AGRN: variants seen among roughly 807,000 people sequenced by gnomAD.
AGRN encodes the protein agrin.
Under a neutral mutation model 211.0 loss-of-function variants are expected in AGRN, and 106 were observed. The ratio of observed to expected loss-of-function variants is 0.50; its 90% CI spans 0.43 to 0.59. The LOEUF (loss-of-function observed/expected upper bound fraction) is 0.59. Ranked by LOEUF, AGRN falls within the 20% of genes least tolerant of loss-of-function variation. AGRN has a pLI of 0.00. For missense variants in AGRN, 3,040 were observed against 2,982.6 expected (o/e 1.02, Z -0.45); for synonymous variants, 1,525 against 1,332.5 (o/e 1.14, Z -3.15).
Position 1,020,239 on chromosome 1 carries a change from G to T in AGRN, c.67G>T (p.Val23Phe). 6.9e-7 allele frequency: 1 copy of T among 1,445,888 alleles called. No individual in the cohort carries two copies. 89.6% of individuals were successfully genotyped at this position (1,445,888 alleles called of 1,614,324 possible). A position where few individuals can be genotyped will look rare whatever the true frequency, so the allele number is the denominator to read the frequency against. ...GCCGCTCCTTGTGGTGGCCGCGTGC[G>T]TCCTGCCCGGAGCCGGCGGGACATG... ...LLPLLVVAAC[V>F]LPGAGGTCPE... is the part of the protein sequence containing the mutation. The change falls in exon 1 of 36, where the codon GTC becomes TTC. Residue 23 changes from valine (V) to phenylalanine (F), a missense_variant. By Grantham distance (50) the Val-to-Phe change is conservative (BLOSUM62 -1). Transcript: ENST00000379370.
rs1553177633 is a variant in AGRN at position 1,049,316 on chromosome 1, C to A, written c.4379C>A (p.Ser1460Tyr). The A allele has an allele frequency of 6.3e-7, 1 of 1,597,570 alleles. No homozygotes were observed. The highest frequency in any genetic ancestry group is 8.5e-7 in the Non-Finnish European group (1 of 1,179,176). Residue 1460 changes from serine (S) to tyrosine (Y), a missense_variant, in exon 25 of 36, where the codon TCC becomes TAC. Transcript: ENST00000379370. ...EPGQWHRLEL[S>Y]RHWRRGTLSV... ...GGCCAGTGGCACCGCCTGGAGCTGT[C>A]CCGGCACTGGCGCCGGGGCACCCTC... is the stretch of plus-strand genomic sequence containing the variant.
At position 1,032,039 on chromosome 1, in the gene AGRN, G is replaced by A. The variant is rs950942071; in HGVS notation, c.464-3238G>A. 8.5e-5 allele frequency among the ~76,000 whole-genome samples: 13 copies of A among 152,336 alleles called. No homozygotes were observed. The highest frequency in any genetic ancestry group is 8.3e-4 in the South Asian group (4 of 4,828). ...GCCCGGGGCACCCACAGTCAGCACC[G>A]CCGGAACACTGTCAGCCTGGTGTGG... is the stretch of plus-strand genomic sequence containing the variant. On this transcript the variant is annotated intron_variant, in intron 2 of 35. Coordinates refer to ENST00000379370, the MANE Select transcript of AGRN (RefSeq NM_198576.4). This position sits in a 1 kb window ranked among gnomAD's most constrained non-coding sequence, Gnocchi z 4.7.
rs1557720410 is a variant in AGRN at position 1,050,713 on chromosome 1, C to T, written c.5142-13C>T. 3.7e-6 allele frequency: 6 copies of T among 1,600,368 alleles called. No individual in the cohort carries two copies. Among genetic ancestry groups the T allele is most frequent in the East Asian group, 2.2e-5 (1 of 44,464 alleles). ...GGTGGACAGAGCCCACTCACGCTGCCCCTCCTCACCAGGAGCAGGGAGCCA... is the reference window on the plus strand; with the variant it reads ...GGTGGACAGAGCCCACTCACGCTGCTCCTCCTCACCAGGAGCAGGGAGCCA... On this transcript the variant is annotated splice_polypyrimidine_tract_variant and intron_variant, in intron 29 of 35. Transcript: ENST00000379370.
chr1:1,029,793 GTA>G lies in AGRN; in HGVS notation c.464-5482_464-5481del, dbSNP rs202197880. Among the ~76,000 whole-genome samples the G allele has an allele frequency of 1.4e-4, 14 of 99,978 alleles. 5 individuals carry two copies. Among genetic ancestry groups the G allele is most frequent in the East Asian group, 8.5e-4 (3 of 3,538 alleles). The allele number at this position is 99,978 out of a possible 152,430, so 65.6% of individuals were successfully genotyped here. On this transcript the variant is annotated intron_variant, in intron 2 of 35. Transcript: ENST00000379370. ...GCTGTGAGTGTGAGATCGTGTGTGT[GTA>G]TGCAGTGCATGGTGCTGTGTGAGAT...
rs1644932495 is a variant in AGRN at position 1,041,404 on chromosome 1, G to T, written c.952+7G>T. On this transcript the variant is annotated splice_region_variant and intron_variant, in intron 5 of 35. Coordinates refer to ENST00000379370, the MANE Select transcript of AGRN (RefSeq NM_198576.4). ...AAGTTCGACGGCCCTTGTGGTGAGC[G>T]CGGCGGCGGGCGCACGGCTCGAGCT... is the stretch of plus-strand genomic sequence containing the variant. 1.3e-6 allele frequency: 2 copies of T among 1,543,178 alleles called. No individual in the cohort carries two copies. The highest frequency in any genetic ancestry group is 8.7e-7 in the Non-Finnish European group (1 of 1,151,060).
rs57668569 is a variant in AGRN, at chr1:1,048,767, CAAAAAAAA to C, written c.4106-85_4106-78del. 4.0e-5 allele frequency: 43 copies of C among 1,077,932 alleles called. No homozygotes were observed. Among genetic ancestry groups the C allele is most frequent in the African/African-American group, 1.4e-4 (6 of 43,616 alleles). The allele number at this position is 1,077,932 out of a possible 1,614,324, so 66.8% of individuals were successfully genotyped here. A position where few individuals can be genotyped will look rare whatever the true frequency, so the allele number is the denominator to read the frequency against. ...GGGCAAAAAGAGCAAAACTCCGTCT[CAAAAAAAA>C]AAAAAAAAAAAAAAGCAGGGGGCGG... On this transcript the variant is annotated intron_variant, in intron 23 of 35. Coordinates refer to ENST00000379370, the MANE Select transcript of AGRN (RefSeq NM_198576.4). This position sits in a 1 kb window ranked among gnomAD's most constrained non-coding sequence, Gnocchi z 5.9.
At chr1:1,025,646 C>T (rs1644504927) in intron 2 of AGRN, among the ~76,000 whole-genome samples, 1 of 152,252 alleles carries the variant, frequency 6.6e-6, no homozygotes, top group African/African-American at 2.4e-5. Context: ...CCATGAGCCC[C>T]TCTCTGGCCC....
At chr1:1,035,068 C>T (rs1644768684) in intron 2 of AGRN, 2 of 649,510 alleles carry the variant, frequency 3.1e-6, no homozygotes, top group South Asian at 3.6e-5. Flanking sequence ...GACTATTTGG[C>T]TGGAGGGGCA....
At position 1,041,279 on chromosome 1, in the gene AGRN, C is replaced by T; in HGVS notation, c.834C>T (p.Gly278=). The T allele has an allele frequency of 6.6e-7, 1 of 1,509,334 alleles. No individual in the cohort carries two copies. The highest frequency in any genetic ancestry group is 1.2e-5 in the South Asian group (1 of 81,850). The allele number at this position is 1,509,334 out of a possible 1,614,324, so 93.5% of individuals were successfully genotyped here. The change falls in exon 5 of 36, where the codon GGC becomes GGT. Residue 278 remains glycine, a synonymous_variant. Coordinates refer to ENST00000379370, the MANE Select transcript of AGRN (RefSeq NM_198576.4). The part of the protein sequence containing the change: ...ASCLCPATCR[G]APEGTVCGSD... Reference sequence around the variant, plus strand: ...GCCTGTGCCCCGCGACCTGCCGTGGCGCCCCCGAGGGGACCGTCTGCGGCA... The same window carrying T: ...GCCTGTGCCCCGCGACCTGCCGTGGTGCCCCCGAGGGGACCGTCTGCGGCA...
chr1:1,054,418 C>A, intron 34 of AGRN, 30 bp from the exon 35 acceptor site: 2 of 1,547,086 alleles, frequency 1.3e-6, no homozygotes, highest in East Asian at 2.4e-5. Flanking sequence ...ACTCTGGGCC[C>A]TGATGGTCTC....
intron 2 of AGRN, among the ~76,000 whole-genome samples, chr1:1,025,489 G>GGAGGACCTCCCATAGGGCTGGGGC: frequency 6.6e-6 from 1 of 152,174 alleles, no homozygotes; most frequent in Admixed American, 6.5e-5. Flanking sequence ...CTGGGATGCA[G>GGAGGACCTCCCATAGGGCTGGGGC]GAGGACCTCC....
chr1:1,049,214 G>T, intron 24 of AGRN, 22 bp from the exon 25 acceptor site: 1 of 1,550,316 alleles, frequency 6.5e-7, no homozygotes, highest in South Asian at 1.2e-5. Context: ...CGATGGTCCT[G>T]AGCACCTGCT....
rs757512885 is a variant in AGRN, at chr1:1,046,434, C to G, written c.2949C>G (p.Ser983=). ...CCAGCACTCACCCGACATCTGCCTC[C>G]GTGACTGTGACCACCCCAGGGCTCC... ...VAPSTHPTSA[S]VTVTTPGLLL... Residue 983 remains serine (S), a synonymous_variant, in exon 18 of 36, where the codon TCC becomes TCG. Coordinates refer to ENST00000379370, the MANE Select transcript of AGRN (RefSeq NM_198576.4). 8.1e-6 allele frequency: 13 copies of G among 1,612,396 alleles called. No individual in the cohort carries two copies. Among genetic ancestry groups the G allele is most frequent in the Admixed American group, 3.3e-5 (2 of 59,974 alleles).
chr1:1,048,151 C>T lies in AGRN; in HGVS notation c.3891C>T (p.Pro1297=), dbSNP rs1015074475. ...RAPHPSHTSQ[P]VAKTTAAPTT... is the part of the protein sequence containing the mutation. Reference sequence around the variant, plus strand: ...CGCACCCCAGTCACACAAGCCAGCCCGTTGCCAAGACCACGGCAGCCCCCA... The same window carrying T: ...CGCACCCCAGTCACACAAGCCAGCCTGTTGCCAAGACCACGGCAGCCCCCA... Residue 1297 remains proline, a synonymous_variant, in exon 23 of 36, where the codon CCC becomes CCT. Coordinates refer to ENST00000379370, the MANE Select transcript of AGRN (RefSeq NM_198576.4). This position sits in a 1 kb window ranked among gnomAD's most constrained non-coding sequence, Gnocchi z 5.9. 17 of 1,579,710 alleles carry T rather than the reference C, an allele frequency of 1.1e-5. No homozygotes were observed. The highest frequency in any genetic ancestry group is 1.3e-5 in the African/African-American group (1 of 74,240).
At position 1,055,778 on chromosome 1, in the gene AGRN, C is replaced by G. The variant is rs571251627; in HGVS notation, c.*797C>G. 3 of 152,564 alleles carry G rather than the reference C, an allele frequency of 2.0e-5. No homozygotes were observed. The highest frequency in any genetic ancestry group is 2.1e-4 in the South Asian group (1 of 4,840). The allele number at this position is 152,564 out of a possible 1,614,324, so 9.5% of individuals were successfully genotyped here. On this transcript the variant is annotated 3_prime_UTR_variant, in exon 36 of 36. Transcript: ENST00000379370. ...GAGTGGTGGGTCTCATCTTTCCCAT[C>G]TCGCCTGAGAGCGGCTGAGGGCTGC...
intron 31 of AGRN, 40 bp downstream of exon 31, chr1:1,051,409 G>A (rs544814468): frequency 3.0e-5 from 46 of 1,543,342 alleles, no homozygotes; most frequent in Admixed American, 1.9e-4. Context: ...CCTCCGGGGC[G>A]GGCGGGGTGG....
rs776869106 is a variant in AGRN, at chr1:1,051,533, C to T, written c.5451C>T (p.Pro1817=). The change falls in exon 32 of 36, where the codon CCC becomes CCT. Residue 1817 remains proline, a synonymous_variant. Coordinates refer to ENST00000379370, the MANE Select transcript of AGRN (RefSeq NM_198576.4). The part of the protein sequence containing the change: ...QVDVTSFAGH[P]CTRASGHPCL... Reference sequence around the variant, plus strand: ...ACGTCACGTCCTTTGCAGGTCACCCCTGCACCCGGGCCTCAGGCCACCCCT... The same window carrying T: ...ACGTCACGTCCTTTGCAGGTCACCCTTGCACCCGGGCCTCAGGCCACCCCT... 5.1e-6 allele frequency: 8 copies of T among 1,566,862 alleles called. No individual in the cohort carries two copies. Among genetic ancestry groups the T allele is most frequent in the South Asian group, 1.2e-5 (1 of 85,758 alleles).
At position 1,055,376 on chromosome 1, in the gene AGRN, G is replaced by A; in HGVS notation, c.*395G>A. 1 of 353,578 alleles carries A rather than the reference G, an allele frequency of 2.8e-6. No individual in the cohort carries two copies. 21.9% of individuals were successfully genotyped at this position (353,578 alleles called of 1,614,324 possible). A position where few individuals can be genotyped will look rare whatever the true frequency, so the allele number is the denominator to read the frequency against. ...GGCCCTTCCTCCGGGTGACCCCACA[G>A]GGCCTTTCCAAGCCCCCATTTGAGC... On this transcript the variant is annotated 3_prime_UTR_variant, in exon 36 of 36. Coordinates refer to ENST00000379370, the MANE Select transcript of AGRN (RefSeq NM_198576.4).
Position 1,044,205 on chromosome 1 carries a change from A to G in AGRN, c.2096A>G (p.Glu699Gly). 1 of 1,612,984 alleles carries G rather than the reference A, an allele frequency of 6.2e-7. No homozygotes were observed. Among genetic ancestry groups the G allele is most frequent in the South Asian group, 1.1e-5 (1 of 91,084 alleles). Residue 699 changes from glutamate to glycine, a missense_variant, in exon 11 of 36, where the codon GAG (glutamate) becomes GGG (glycine). Glu to Gly is a moderately conservative substitution (Grantham distance 98). Around this residue, in one of 3 missense-constraint regions of AGRN, gnomAD observed 1,498 missense variants for 1,457.8 expected, o/e 1.03. Transcript: ENST00000379370. The stretch of plus-strand genomic sequence containing the variant: ...GGTGGCATCTGGGACGAGGACTCGG[A>G]GGACGGGCCGTGTGTCTGTGACTTC... ...QRGGIWDEDSEDGPCVCDFSC... is the reference protein window; with the variant it reads ...QRGGIWDEDSGDGPCVCDFSC...
Sources: gnomAD v4.1 joint callset for allele counts (sites outside exome capture counted in the v4.1 genomes callset) on GRCh38, gnomAD v4.1.1 for gene constraint, gnomAD v4.1.1 regional missense constraint, Gnocchi (gnomAD v3.1) non-coding constraint, MANE v1.5 for transcripts, NCBI Gene and HGNC (gene_info 2026-07-23, HGNC 2026-07-21) for gene names.